PIP4K2A: variants seen among roughly 807,000 people sequenced by gnomAD.
PIP4K2A encodes phosphatidylinositol 5-phosphate 4-kinase type-2 alpha.
Under a neutral mutation model 42.9 loss-of-function variants are expected in PIP4K2A, and 14 were observed. The observed-to-expected ratio is 0.33, with a 90% CI of 0.22 to 0.51. PIP4K2A has a LOEUF of 0.51. Among genes scored for constraint, PIP4K2A ranks in the 20% least tolerant of loss-of-function variants. The pLI is 0.97. For missense variants in PIP4K2A, 434 were observed against 519.8 expected (o/e 0.83, Z 1.61); for synonymous variants, 192 against 192.2 (o/e 1.00, Z 0.01).
chr10:22,613,917 C>T (rs964362717), intron 1 of PIP4K2A, among the ~76,000 whole-genome samples: 2 of 152,178 alleles, frequency 1.3e-5, no homozygotes, highest in African/African-American at 4.8e-5. Flanking sequence ...AAAACAAGAT[C>T]CCTGACTGTA....
At chr10:22,708,684 C>G (rs575019710) in intron 1 of PIP4K2A, among the ~76,000 whole-genome samples, 1 of 152,274 alleles carries the variant, frequency 6.6e-6, no homozygotes, top group African/African-American at 2.4e-5. Flanking sequence ...TGCTATGTAG[C>G]CTGTGGACCT....
chr10:22,559,145 AAGG>A (rs1428951506), intron 6 of PIP4K2A, among the ~76,000 whole-genome samples: 1 of 152,180 alleles, frequency 6.6e-6, no homozygotes, highest in African/African-American at 2.4e-5. Flanking sequence ...CTGAACACTC[AAGG>A]AGTTTGCTAA....
chr10:22,657,486 T>G (rs1031339119), intron 1 of PIP4K2A, among the ~76,000 whole-genome samples: 4 of 152,214 alleles, frequency 2.6e-5, no homozygotes, highest in African/African-American at 9.6e-5. Flanking sequence ...CCTAGAGCAA[T>G]TTTGGATTTT....
intron 1 of PIP4K2A, among the ~76,000 whole-genome samples, chr10:22,648,372 C>T (rs765537910): frequency 2.0e-5 from 3 of 152,060 alleles, no homozygotes; most frequent in Non-Finnish European, 4.4e-5. Context: ...ATTAAATGGC[C>T]CTCTGGTTAT....
At chr10:22,662,660 C>T (rs749839196) in intron 1 of PIP4K2A, among the ~76,000 whole-genome samples, 11 of 152,024 alleles carry the variant, frequency 7.2e-5, no homozygotes, top group Non-Finnish European at 1.2e-4. Flanking sequence ...ACTTTTAGCC[C>T]GATGACTGCT....
At chr10:22,681,525 A>T (rs1445082713) in intron 1 of PIP4K2A, among the ~76,000 whole-genome samples, 1 of 152,120 alleles carries the variant, frequency 6.6e-6, no homozygotes, top group Non-Finnish European at 1.5e-5. Flanking sequence ...AATTTTAAAA[A>T]TTAGCCAGGT....
chr10:22,615,483 A>G (rs1320231506), intron 1 of PIP4K2A, among the ~76,000 whole-genome samples: 3 of 152,202 alleles, frequency 2.0e-5, no homozygotes, highest in African/African-American at 4.8e-5. Flanking sequence ...ATGTTACATA[A>G]TGTTCATAAA....
intron 1 of PIP4K2A, among the ~76,000 whole-genome samples, chr10:22,657,715 T>C (rs748238682): frequency 1.1e-4 from 17 of 152,244 alleles, no homozygotes; most frequent in Admixed American, 2.0e-4. Flanking sequence ...ATTTTGGAAA[T>C]GTGTCCTTAT....
At chr10:22,700,187 C>T (rs898537150) in intron 1 of PIP4K2A, among the ~76,000 whole-genome samples, 2 of 152,192 alleles carry the variant, frequency 1.3e-5, no homozygotes, top group East Asian at 3.9e-4. Flanking sequence ...GTACTTTGCA[C>T]CTAGCTGCTG....
At chr10:22,538,517 A>C (rs927297903) in intron 9 of PIP4K2A, among the ~76,000 whole-genome samples, 1 of 152,178 alleles carries the variant, frequency 6.6e-6, no homozygotes, top group African/African-American at 2.4e-5. Context: ...AGGTGAAAAA[A>C]CAGGAGCTCC....
chr10:22,567,656 T>G (rs543301673), intron 6 of PIP4K2A, 195 bp downstream of exon 6: 1 of 742,294 alleles, frequency 1.3e-6, no homozygotes, highest in South Asian at 1.4e-5. Flanking sequence ...TGTTTCACTA[T>G]TCAACAATTT....
At chr10:22,666,710 T>C (rs1235502388) in intron 1 of PIP4K2A, among the ~76,000 whole-genome samples, 1 of 152,206 alleles carries the variant, frequency 6.6e-6, no homozygotes, top group Non-Finnish European at 1.5e-5. Context: ...ATTTCTTTTT[T>C]TCTTTCTGCA....
intron 1 of PIP4K2A, among the ~76,000 whole-genome samples, chr10:22,638,207 T>C (rs1179907246): frequency 6.6e-6 from 1 of 152,212 alleles, no homozygotes; most frequent in African/African-American, 2.4e-5. Flanking sequence ...GAATAAAATT[T>C]ATAATGAAAA....
At chr10:22,617,106 G>T (rs1006146956) in intron 1 of PIP4K2A, among the ~76,000 whole-genome samples, 12 of 152,200 alleles carry the variant, frequency 7.9e-5, no homozygotes, top group Non-Finnish European at 1.8e-4. Context: ...CCTGAGCAAG[G>T]CATTGACATT....
chr10:22,691,472 G>GT (rs1264543920), intron 1 of PIP4K2A: 2 of 151,970 alleles, frequency 1.3e-5, no homozygotes, highest in Non-Finnish European at 2.9e-5. Context: ...AGGGAGACTT[G>GT]TTTTTGCTTT....
At chr10:22,710,365 A>T (rs7096631) in intron 1 of PIP4K2A, among the ~76,000 whole-genome samples, 4,020 of 152,338 alleles carry the variant, frequency 0.026, 188 homozygotes, top group African/African-American at 0.092. Flanking sequence ...GCCAACAGGC[A>T]AGCGCTGCCA....
chr10:22,564,841 C>T (rs1239462620), intron 6 of PIP4K2A, among the ~76,000 whole-genome samples: 1 of 152,252 alleles, frequency 6.6e-6, no homozygotes, highest in East Asian at 1.9e-4. Context: ...CCGACCAGGT[C>T]CCCAGCGATT....
intron 7 of PIP4K2A, among the ~76,000 whole-genome samples, chr10:22,549,357 T>C (rs572627548): frequency 2.0e-5 from 3 of 151,980 alleles, no homozygotes; most frequent in African/African-American, 4.8e-5. Context: ...TTTTCTTTTT[T>C]TTTTTTTGGT....
At chr10:22,664,803 T>C (rs887968461) in intron 1 of PIP4K2A, among the ~76,000 whole-genome samples, 2 of 152,200 alleles carry the variant, frequency 1.3e-5, no homozygotes, top group Non-Finnish European at 2.9e-5. Flanking sequence ...CATTTGAAAG[T>C]GAGAACTCTG....
Sources: gnomAD v4.1 joint callset for allele counts (sites outside exome capture counted in the v4.1 genomes callset) on GRCh38, gnomAD v4.1.1 for gene constraint, MANE v1.5 for transcripts, NCBI Gene and HGNC (gene_info 2026-07-23, HGNC 2026-07-21) for gene names.